Variants in STK32C observed in about 807,000 individuals in gnomAD.
STK32C encodes the protein serine/threonine-protein kinase 32C.
STK32C carries 31 observed loss-of-function variants against 56.5 expected under a neutral mutation model. The observed-to-expected ratio is 0.55, with a 90% CI of 0.41 to 0.74. The LOEUF (loss-of-function observed/expected upper bound fraction) is 0.74. Among genes scored for constraint, STK32C ranks in the 30% least tolerant of loss-of-function variants. STK32C has a pLI of 0.00. For synonymous variants in STK32C, 309 were observed against 289.4 expected (o/e 1.07, Z -0.69); for missense variants, 544 against 676.9 (o/e 0.80, Z 2.18).
intron 1 of STK32C, among the ~76,000 whole-genome samples, chr10:132,279,994 C>T (rs2065114377): frequency 6.8e-6 from 1 of 146,516 alleles, no homozygotes; most frequent in African/African-American, 2.5e-5. Context: ...GACCACGCCC[C>T]TGCACTCTGT....
chr10:132,308,284 C>A (rs2066147653), upstream of STK32C, among the ~76,000 whole-genome samples: 2 of 152,288 alleles, frequency 1.3e-5, no homozygotes, highest in Middle Eastern at 3.4e-3. Context: ...CCACGGGTAT[C>A]CTGGGGCCCC....
intron 1 of STK32C, among the ~76,000 whole-genome samples, chr10:132,264,418 T>C (rs2064422677): frequency 6.6e-6 from 1 of 151,854 alleles, no homozygotes; most frequent in South Asian, 2.1e-4. Context: ...GAGCTGGGAG[T>C]AGGCGTTAGG....
At chr10:132,257,768 G>T (rs1296826220) in intron 1 of STK32C, among the ~76,000 whole-genome samples, 4 of 151,502 alleles carry the variant, frequency 2.6e-5, no homozygotes, top group Non-Finnish European at 5.9e-5. Context: ...CAGACACTAG[G>T]AGGGGGCCCC....
intron 2 of STK32C, among the ~76,000 whole-genome samples, chr10:132,236,157 C>T (rs557422221): frequency 6.9e-6 from 1 of 145,784 alleles, no homozygotes; most frequent in Non-Finnish European, 1.5e-5. Context: ...CCAAAGCCCA[C>T]ACATGGGCCT....
chr10:132,282,515 ACCTGTG>A (rs778428557), intron 1 of STK32C, among the ~76,000 whole-genome samples: 11 of 143,860 alleles, frequency 7.6e-5, no homozygotes, highest in Non-Finnish European at 1.2e-4. Flanking sequence ...GCCTGCGCCC[ACCTGTG>A]CCTGTGCCCA....
At chr10:132,261,699 A>G (rs536610893) in intron 1 of STK32C, among the ~76,000 whole-genome samples, 1 of 152,340 alleles carries the variant, frequency 6.6e-6, no homozygotes, top group Admixed American at 6.5e-5. Context: ...CGGCAGGCAG[A>G]GGTTGCAGTG....
intron 1 of STK32C, among the ~76,000 whole-genome samples, chr10:132,290,375 T>C (rs1220276134): frequency 3.3e-5 from 5 of 152,256 alleles, no homozygotes; most frequent in Non-Finnish European, 5.9e-5. Flanking sequence ...CAAGACCATA[T>C]GGAGTCCAGA....
chr10:132,309,204 C>T (rs927800464), upstream of STK32C, among the ~76,000 whole-genome samples: 25 of 152,310 alleles, frequency 1.6e-4, no homozygotes, highest in African/African-American at 6.0e-4. Context: ...TTCAGTGTGG[C>T]CGCCCGCCCT....
chr10:132,270,404 G>C (rs375914050), intron 1 of STK32C, among the ~76,000 whole-genome samples: 4 of 152,356 alleles, frequency 2.6e-5, no homozygotes, highest in Admixed American at 6.5e-5. Flanking sequence ...GCAGATGCAG[G>C]GGTCATGAGC....
intron 7 of STK32C, among the ~76,000 whole-genome samples, chr10:132,224,849 C>T (rs917051933): frequency 6.6e-6 from 1 of 152,130 alleles, no homozygotes; most frequent in African/African-American, 2.4e-5. Context: ...GTACGGTCCA[C>T]AAGAGGACCC....
chr10:132,251,541 C>T (rs1208822232), intron 1 of STK32C, among the ~76,000 whole-genome samples: 1 of 152,104 alleles, frequency 6.6e-6, no homozygotes, highest in Non-Finnish European at 1.5e-5. Flanking sequence ...TCTCTTTACC[C>T]CACCTCGCCC....
At chr10:132,214,711 T>C (rs1326068583) in intron 10 of STK32C, among the ~76,000 whole-genome samples, 1 of 152,222 alleles carries the variant, frequency 6.6e-6, no homozygotes, top group Non-Finnish European at 1.5e-5. Context: ...ATGAAATGAA[T>C]GACAGCAATG....
At position 132,223,656 on chromosome 10, in the gene STK32C, G is replaced by C. The variant is rs536211516; in HGVS notation, c.994-670C>G. Among the ~76,000 whole-genome samples the C allele has an allele frequency of 2.6e-5, 4 of 152,308 alleles. No homozygotes were observed. In the South Asian group the frequency reaches 6.2e-4, roughly 24 times the overall value. ...CGGGGCTGGGGAGAGGCCCCGGCAG[G>C]CAAGGCCTCCCCAAGGATTTAGGCT... On this transcript the variant is annotated intron_variant, in intron 8 of 11. Transcript: ENST00000298630.
intron 1 of STK32C, among the ~76,000 whole-genome samples, chr10:132,280,022 C>A (rs1304576795): frequency 7.0e-6 from 1 of 143,300 alleles, no homozygotes; most frequent in Non-Finnish European, 1.5e-5. Flanking sequence ...CCCCTGCACT[C>A]CATGATCAGG....
intron 1 of STK32C, among the ~76,000 whole-genome samples, chr10:132,279,070 G>C (rs2065074729): frequency 6.6e-6 from 1 of 152,170 alleles, no homozygotes; most frequent in African/African-American, 2.4e-5. Flanking sequence ...GGGCATATAA[G>C]TGGCCCAGCC....
At chr10:132,237,880 G>A (rs781337976) in intron 2 of STK32C, among the ~76,000 whole-genome samples, 4 of 152,324 alleles carry the variant, frequency 2.6e-5, no homozygotes, top group Admixed American at 6.5e-5. Flanking sequence ...GGGCTCCTCC[G>A]GGTTCTCTAA....
At chr10:132,294,456 T>A (rs2065673858) in intron 1 of STK32C, among the ~76,000 whole-genome samples, 1 of 152,042 alleles carries the variant, frequency 6.6e-6, no homozygotes, top group African/African-American at 2.4e-5. Context: ...GTGAGTGAGT[T>A]TGAGTTTTGC....
chr10:132,280,467 CCCTGCACT>C (rs1454608823), intron 1 of STK32C, among the ~76,000 whole-genome samples: 1 of 144,530 alleles, frequency 6.9e-6, no homozygotes, highest in East Asian at 2.1e-4. Context: ...ATGATCACGC[CCCTGCACT>C]CCGTGATCAT....
At chr10:132,225,374 G>T (rs761112149) in intron 6 of STK32C, 38 bp from the exon 7 acceptor site, 2 of 1,590,210 alleles carry the variant, frequency 1.3e-6, no homozygotes, top group South Asian at 2.2e-5. Context: ...CTGCCACGGG[G>T]TCACAGCCCG....
Sources: allele counts gnomAD v4.1 joint callset (sites outside exome capture counted in the v4.1 genomes callset), GRCh38; gene constraint gnomAD v4.1.1; transcripts MANE v1.5; gene names NCBI Gene and HGNC (gene_info 2026-07-23, HGNC 2026-07-21).